The following IGSF3 variants were observed in gnomAD, a reference collection of about 807,000 sequenced individuals.
The protein encoded by IGSF3 is glu-Trp-Ile EWI motif-containing protein 3.
In IGSF3, 23 loss-of-function variants were observed where a neutral mutation model predicts 114.4. That is an observed-to-expected ratio of 0.20 (90% CI 0.14 to 0.28). The LOEUF is 0.28. IGSF3 is among the 10% of genes least tolerant of loss of function. The probability of loss-of-function intolerance (pLI) is 1.00; values close to 1 mark genes in which losing one functional copy is unlikely to be tolerated. For synonymous variants in IGSF3, 571 were observed against 645.2 expected (o/e 0.88, Z 1.74); for missense variants, 1,172 against 1,591.5 (o/e 0.74, Z 4.48).
chr1:116,607,708 T>C lies in IGSF3; in HGVS notation c.1222+234A>G, dbSNP rs1223067183. Among the ~76,000 whole-genome samples the C allele has an allele frequency of 2.0e-5, 3 of 152,186 alleles. No individual in the cohort carries two copies. Among genetic ancestry groups the C allele is most frequent in the Non-Finnish European group, 4.4e-5 (3 of 68,030 alleles). On this transcript the variant is annotated intron_variant, in intron 5 of 10. Coordinates refer to ENST00000369486, the MANE Select transcript of IGSF3 (RefSeq NM_001007237.3). The surrounding 1 kb of genome is among the most constrained non-coding windows in gnomAD (Gnocchi z 6.1). Reference sequence around the variant, plus strand: ...GATAGGCCTATGCCCAGCCCTAGACTGCCCTGATTCTGGACACCCCTGATC... The same window carrying C: ...GATAGGCCTATGCCCAGCCCTAGACCGCCCTGATTCTGGACACCCCTGATC...
In IGSF3 at chr1:116,605,486, T is replaced by A. The variant is rs1389234594; in HGVS notation, c.1223-1461A>T. On this transcript the variant is annotated intron_variant, in intron 5 of 10. Coordinates refer to ENST00000369486, the MANE Select transcript of IGSF3 (RefSeq NM_001007237.3). This position sits in a 1 kb window ranked among gnomAD's most constrained non-coding sequence, Gnocchi z 5.1. ...ACCTCCCCCAGGACTCATACCAGGATGATTCATAGAGATGATCAGGCTCCT... is the reference window on the plus strand; with the variant it reads ...ACCTCCCCCAGGACTCATACCAGGAAGATTCATAGAGATGATCAGGCTCCT... 6.6e-6 allele frequency among the ~76,000 whole-genome samples: 1 copy of A among 152,140 alleles called. No homozygotes were observed. The highest frequency in any genetic ancestry group is 2.4e-5 in the African/African-American group (1 of 41,444).
rs1043147056 is a variant in IGSF3 at position 116,628,963 on chromosome 1, T to C, written c.44-12506A>G. 1.2e-4 allele frequency among the ~76,000 whole-genome samples: 18 copies of C among 152,190 alleles called. No homozygotes were observed. Among genetic ancestry groups the C allele is most frequent in the African/African-American group, 4.3e-4 (18 of 41,438 alleles). ...ACAGAACTGTGGAAGTAGAGACTAA[T>C]TCTGCAGCAGCCCAGAGAAGACAAC... On this transcript the variant is annotated intron_variant, in intron 2 of 10. Transcript: ENST00000369486. This position sits in a 1 kb window ranked among gnomAD's most constrained non-coding sequence, Gnocchi z 4.2.
At chr1:116,590,474 A>G (rs1253394134) in intron 7 of IGSF3, among the ~76,000 whole-genome samples, 1 of 152,130 alleles carries the variant, frequency 6.6e-6, no homozygotes, top group African/African-American at 2.4e-5. Flanking sequence ...TTTTTCCGCC[A>G]CAGGGACCAA....
chr1:116,627,219 T>C lies in IGSF3; in HGVS notation c.44-10762A>G, dbSNP rs1647330338. Among the ~76,000 whole-genome samples, 2 of 152,050 alleles carry C rather than the reference T, an allele frequency of 1.3e-5. No homozygotes were observed. Among genetic ancestry groups the C allele is most frequent in the African/African-American group, 4.8e-5 (2 of 41,366 alleles). ...TCAGTGAACCGCAGCTTAGAGTGAG[T>C]TCCAGTAAAAGGACCATCACTCGAA... On this transcript the variant is annotated intron_variant, in intron 2 of 10. Transcript: ENST00000369486. This position sits in a 1 kb window ranked among gnomAD's most constrained non-coding sequence, Gnocchi z 4.7.
chr1:116,613,865 G>C lies in IGSF3; in HGVS notation c.732C>G (p.Phe244Leu). Residue 244 changes from phenylalanine (F) to leucine (L), a missense_variant, in exon 4 of 11, where the codon TTC (phenylalanine) becomes TTG (leucine). Transcript: ENST00000369486. The stretch of plus-strand genomic sequence containing the variant: ...GGATCCACTCGGCGGCCTCGCAGTA[G>C]AATTCGCCCTGGTCAGAAGGCTGCA... ...FHLQPSDQGE[F>L]YCEAAEWIQD... The C allele has an allele frequency of 6.2e-7, 1 of 1,614,006 alleles. No homozygotes were observed. Among genetic ancestry groups the C allele is most frequent in the Non-Finnish European group, 8.5e-7 (1 of 1,179,868 alleles).
At position 116,608,829 on chromosome 1, in the gene IGSF3, C is replaced by T. The variant is rs146371792; in HGVS notation, c.833-498G>A. ...GGTGCTGGCCCAATCCTAACAAATGCTCAAAGATGACTATATTAAAATTCC... is the reference window on the plus strand; with the variant it reads ...GGTGCTGGCCCAATCCTAACAAATGTTCAAAGATGACTATATTAAAATTCC... On this transcript the variant is annotated intron_variant, in intron 4 of 10. Transcript: ENST00000369486. 5.9e-4 allele frequency among the ~76,000 whole-genome samples: 90 copies of T among 152,214 alleles called. 1 individual carries two copies. In the East Asian group the frequency reaches 0.015, roughly 26 times the overall value.
At position 116,628,675 on chromosome 1, in the gene IGSF3, T is replaced by A. The variant is rs891672817; in HGVS notation, c.44-12218A>T. Reference sequence around the variant, plus strand: ...AAATAAATACTGAGAGCACTGACACTGCTTCTGGGGGTTTTCCCAAGCACG... The same window carrying A: ...AAATAAATACTGAGAGCACTGACACAGCTTCTGGGGGTTTTCCCAAGCACG... On this transcript the variant is annotated intron_variant, in intron 2 of 10. Coordinates refer to ENST00000369486, the MANE Select transcript of IGSF3 (RefSeq NM_001007237.3). This position sits in a 1 kb window ranked among gnomAD's most constrained non-coding sequence, Gnocchi z 4.2. Among the ~76,000 whole-genome samples the A allele has an allele frequency of 6.6e-6, 1 of 152,192 alleles. No individual in the cohort carries two copies. Among genetic ancestry groups the A allele is most frequent in the African/African-American group, 2.4e-5 (1 of 41,440 alleles).
chr1:116,601,830 G>A (rs1660603172), intron 6 of IGSF3, among the ~76,000 whole-genome samples: 1 of 152,100 alleles, frequency 6.6e-6, no homozygotes, highest in Non-Finnish European at 1.5e-5. Flanking sequence ...TGAGGGTGGT[G>A]TAGGACAGAA....
chr1:116,593,256 T>A lies in IGSF3; in HGVS notation c.2030-4152A>T, dbSNP rs145070297. Among the ~76,000 whole-genome samples the A allele has an allele frequency of 0.038, 5,741 of 152,276 alleles. 172 individuals carry two copies. Among genetic ancestry groups the A allele is most frequent in the Non-Finnish European group, 0.059 (4,000 of 68,008 alleles). ...CAGTCTCATGAGCCCTCCAATTGAT[T>A]CTGATGCACATTCAAGTTTGAGAAG... On this transcript the variant is annotated intron_variant, in intron 7 of 10. Transcript: ENST00000369486. The surrounding 1 kb of genome is among the most constrained non-coding windows in gnomAD (Gnocchi z 4.5).
Position 116,625,083 on chromosome 1 carries a change from C to T in IGSF3, c.44-8626G>A, listed in dbSNP as rs1013544633. On this transcript the variant is annotated intron_variant, in intron 2 of 10. Transcript: ENST00000369486. This position sits in a 1 kb window ranked among gnomAD's most constrained non-coding sequence, Gnocchi z 4.7. ...GTTTTAAGCCACTGAGGTTTGGAAA[C>T]ATTTGTTACATAGAAAGGTAACAAG... 6.6e-6 allele frequency among the ~76,000 whole-genome samples: 1 copy of T among 152,216 alleles called. No homozygotes were observed. The highest frequency in any genetic ancestry group is 1.5e-5 in the Non-Finnish European group (1 of 68,040).
chr1:116,645,085 C>T (rs1648300117), intron 2 of IGSF3, among the ~76,000 whole-genome samples: 1 of 152,160 alleles, frequency 6.6e-6, no homozygotes, highest in African/African-American at 2.4e-5. Flanking sequence ...TTCATAGTAG[C>T]CCCAAACTGG....
chr1:116,578,161 A>T (rs1184470689), intron 10 of IGSF3, among the ~76,000 whole-genome samples: 3 of 152,202 alleles, frequency 2.0e-5, no homozygotes, highest in Non-Finnish European at 4.4e-5. Context: ...GCGCCCCAAG[A>T]CAGGTTGAGG....
chr1:116,587,585 C>T (rs186861547), intron 8 of IGSF3, among the ~76,000 whole-genome samples: 1 of 152,316 alleles, frequency 6.6e-6, no homozygotes, highest in East Asian at 1.9e-4. Flanking sequence ...AGATATAAGA[C>T]ACAGCCCTGT....
rs543088703 is a variant in IGSF3 at position 116,642,124 on chromosome 1, G to T, written c.43+24160C>A. Among the ~76,000 whole-genome samples, 2 of 152,160 alleles carry T rather than the reference G, an allele frequency of 1.3e-5. No individual in the cohort carries two copies. Among genetic ancestry groups the T allele is most frequent in the African/African-American group, 4.8e-5 (2 of 41,492 alleles). On this transcript the variant is annotated intron_variant, in intron 2 of 10. Coordinates refer to ENST00000369486, the MANE Select transcript of IGSF3 (RefSeq NM_001007237.3). This position sits in a 1 kb window ranked among gnomAD's most constrained non-coding sequence, Gnocchi z 5.4. Reference sequence around the variant, plus strand: ...ATTATTATCACCATTAAAAATCACTGAAGTTTTTGTCACCCAAAGTTTTAC... The same window carrying T: ...ATTATTATCACCATTAAAAATCACTTAAGTTTTTGTCACCCAAAGTTTTAC...
chr1:116,600,217 G>A lies in IGSF3; in HGVS notation c.1753C>T (p.Gln585Ter), dbSNP rs1408582635. The A allele has an allele frequency of 3.7e-6, 6 of 1,614,018 alleles. No homozygotes were observed. Among genetic ancestry groups the A allele is most frequent in the East Asian group, 2.2e-5 (1 of 44,896 alleles). ...WVPVSVTWRF[Q>*]PVGTVEFHDL... ...TGGAACTCCACCGTGCCCACCGGCT[G>A]GAACCGCCATGTCACCGACACGGGG... The change falls in exon 7 of 11, where the codon CAG (glutamine) becomes TAG (stop). Residue 585 changes from glutamine (Q) to a stop codon, truncating the protein, a stop_gained. Coordinates refer to ENST00000369486, the MANE Select transcript of IGSF3 (RefSeq NM_001007237.3). LOFTEE classifies it high-confidence loss of function. The surrounding 1 kb of genome is among the most constrained non-coding windows in gnomAD (Gnocchi z 5.5).
chr1:116,633,621 C>G lies in IGSF3; in HGVS notation c.44-17164G>C, dbSNP rs965819526. ...GGGACCTCTTCTTTCAGCTTTGGAG[C>G]CCCCTTCCCTCTGTCTCTGTATGGG... On this transcript the variant is annotated intron_variant, in intron 2 of 10. Transcript: ENST00000369486. The surrounding 1 kb of genome is among the most constrained non-coding windows in gnomAD (Gnocchi z 4.3). Among the ~76,000 whole-genome samples, 1 of 152,134 alleles carries G rather than the reference C, an allele frequency of 6.6e-6. No individual in the cohort carries two copies. The highest frequency in any genetic ancestry group is 2.4e-5 in the African/African-American group (1 of 41,416).
At chr1:116,667,326 G>A (rs1223495102) in intron 1 of IGSF3, among the ~76,000 whole-genome samples, 5 of 152,146 alleles carry the variant, frequency 3.3e-5, no homozygotes, top group African/African-American at 1.2e-4. Context: ...AGCTCTGCGC[G>A]CGACGCGTCC....
chr1:116,590,595 G>A (rs1660068420), intron 7 of IGSF3, among the ~76,000 whole-genome samples: 2 of 152,242 alleles, frequency 1.3e-5, no homozygotes, highest in Admixed American at 6.5e-5. Context: ...GCAGGGGCAG[G>A]GCAGGGATGC....
chr1:116,601,507 C>CA (rs1487569646), intron 6 of IGSF3, among the ~76,000 whole-genome samples: 1 of 152,018 alleles, frequency 6.6e-6, no homozygotes, highest in African/African-American at 2.4e-5. Flanking sequence ...ATAAATATTA[C>CA]AAATAGTACC....
Sources: allele counts gnomAD v4.1 joint callset (sites outside exome capture counted in the v4.1 genomes callset), GRCh38; gene constraint gnomAD v4.1.1; non-coding constraint Gnocchi (gnomAD v3.1); transcripts MANE v1.5; gene names NCBI Gene and HGNC (gene_info 2026-07-23, HGNC 2026-07-21).